ZBTB20: variants seen among roughly 807,000 people sequenced by gnomAD.
The protein encoded by ZBTB20 is zinc finger and BTB domain containing 20, also known as zinc finger and BTB domain-containing protein 20.
ZBTB20 carries 9 observed loss-of-function variants against 56.9 expected under a neutral mutation model. That is an observed-to-expected ratio of 0.16 (90% confidence interval 0.10 to 0.28). ZBTB20 has a LOEUF of 0.28. Ranked by LOEUF, ZBTB20 falls within the 10% of genes least tolerant of loss-of-function variation. The pLI is 1.00. For synonymous variants in ZBTB20, 417 were observed against 420.7 expected (o/e 0.99, Z 0.11); for missense variants, 655 against 1,003.0 (o/e 0.65, Z 4.69).
At chr3:114,532,774 G>A (rs2048007455) in intron 6 of ZBTB20, among the ~76,000 whole-genome samples, 1 of 152,176 alleles carries the variant, frequency 6.6e-6, no homozygotes, top group Non-Finnish European at 1.5e-5. Context: ...CCTCTGGGAT[G>A]AAGCTTCCAG....
At chr3:115,029,745 G>T (rs2080587134) in intron 2 of ZBTB20, among the ~76,000 whole-genome samples, 1 of 150,834 alleles carries the variant, frequency 6.6e-6, no homozygotes, top group South Asian at 2.1e-4. Context: ...TAAAATTCCA[G>T]ATGGTTTGAA....
intron 7 of ZBTB20, among the ~76,000 whole-genome samples, chr3:114,483,480 A>AT (rs1177385797): frequency 2.6e-5 from 4 of 151,938 alleles, no homozygotes; most frequent in African/African-American, 9.7e-5. Flanking sequence ...AAGACAGATC[A>AT]TAAGTATTTA....
At chr3:114,566,101 CT>C (rs1396476866) in intron 6 of ZBTB20, among the ~76,000 whole-genome samples, 2 of 151,734 alleles carry the variant, frequency 1.3e-5, no homozygotes, top group East Asian at 1.9e-4. Flanking sequence ...CACTTCCCCC[CT>C]ATACTCTTTC....
intron 3 of ZBTB20, among the ~76,000 whole-genome samples, chr3:114,955,731 T>G (rs1409498241): frequency 1.3e-5 from 2 of 152,172 alleles, no homozygotes; most frequent in African/African-American, 2.4e-5. Flanking sequence ...CCTCTCTGAC[T>G]TTGGCTTTCT....
intron 7 of ZBTB20, among the ~76,000 whole-genome samples, chr3:114,414,649 C>G (rs984185121): frequency 6.6e-6 from 1 of 150,792 alleles, no homozygotes; most frequent in Non-Finnish European, 1.5e-5. Flanking sequence ...ATCTTAATTT[C>G]TATCCTTGTA....
chr3:114,519,485 C>A (rs985477476), intron 6 of ZBTB20, among the ~76,000 whole-genome samples: 9 of 152,146 alleles, frequency 5.9e-5, no homozygotes, highest in African/African-American at 2.2e-4. Flanking sequence ...GGGCTTATAG[C>A]ATTTCCTCTG....
intron 6 of ZBTB20, among the ~76,000 whole-genome samples, chr3:114,674,993 C>T (rs1010896966): frequency 1.1e-4 from 17 of 150,246 alleles, no homozygotes; most frequent in African/African-American, 3.9e-4. Context: ...GAGAGCAAAT[C>T]GAGGCAAGTG....
At chr3:114,512,900 G>T (rs1048078002) in intron 6 of ZBTB20, among the ~76,000 whole-genome samples, 2 of 152,080 alleles carry the variant, frequency 1.3e-5, no homozygotes, top group East Asian at 3.9e-4. Flanking sequence ...AACAATTTCT[G>T]CATTGAACAG....
intron 10 of ZBTB20, chr3:114,366,635 A>C (rs986952003): frequency 5.9e-5 from 9 of 152,244 alleles, no homozygotes; most frequent in Non-Finnish European, 1.5e-5. Flanking sequence ...TCTAATCTGC[A>C]ACTATTACTA....
At chr3:115,016,301 C>A (rs1053692338) in intron 2 of ZBTB20, among the ~76,000 whole-genome samples, 13 of 152,076 alleles carry the variant, frequency 8.5e-5, no homozygotes, top group African/African-American at 3.1e-4. Context: ...TTTTGCTGAG[C>A]AGAAGCTCTT....
intron 7 of ZBTB20, among the ~76,000 whole-genome samples, chr3:114,480,033 T>C (rs189721405): frequency 7.0e-4 from 107 of 152,326 alleles, no homozygotes; most frequent in Admixed American, 9.1e-4. Flanking sequence ...GCCTTTATCT[T>C]TTCCCCCTAA....
At chr3:114,642,596 C>G (rs147350663) in intron 6 of ZBTB20, among the ~76,000 whole-genome samples, 1 of 151,908 alleles carries the variant, frequency 6.6e-6, no homozygotes, top group Non-Finnish European at 1.5e-5. Flanking sequence ...TCCCGACTGC[C>G]GATGTCTAGT....
chr3:115,010,562 T>G lies in ZBTB20; in HGVS notation c.-506-36146A>C, dbSNP rs1172449605. Among the ~76,000 whole-genome samples the G allele has an allele frequency of 2.0e-5, 3 of 151,948 alleles. No individual in the cohort carries two copies. In the East Asian group the frequency reaches 5.8e-4, roughly 30 times the overall value. ...CAAGACCATAAAGCTTATACCTCTATAAATCAGCAAGAACCACAGTGTTAT... is the reference window on the plus strand; with the variant it reads ...CAAGACCATAAAGCTTATACCTCTAGAAATCAGCAAGAACCACAGTGTTAT... On this transcript the variant is annotated intron_variant, in intron 2 of 11. Transcript: ENST00000675478.
At chr3:114,911,316 C>CTGGAAGAAGTCA (rs2075528583) in intron 3 of ZBTB20, among the ~76,000 whole-genome samples, 1 of 151,870 alleles carries the variant, frequency 6.6e-6, no homozygotes, top group Admixed American at 6.6e-5. Flanking sequence ...ACAAAGGGGC[C>CTGGAAGAAGTCA]TGGAAGAAGT....
chr3:114,435,268 A>C (rs758106925), intron 7 of ZBTB20, among the ~76,000 whole-genome samples: 6 of 152,256 alleles, frequency 3.9e-5, no homozygotes, highest in Non-Finnish European at 7.4e-5. Context: ...TAGCAGCAAA[A>C]GGGAGGAAGA....
At chr3:114,670,691 C>G (rs774805409) in intron 6 of ZBTB20, among the ~76,000 whole-genome samples, 2 of 152,034 alleles carry the variant, frequency 1.3e-5, no homozygotes, top group Non-Finnish European at 2.9e-5. Flanking sequence ...AATTTCTGTT[C>G]TCAAAATGGT....
At chr3:114,706,234 G>A (rs531205118) in intron 5 of ZBTB20, among the ~76,000 whole-genome samples, 23 of 152,156 alleles carry the variant, frequency 1.5e-4, no homozygotes, top group African/African-American at 3.4e-4. Context: ...TATTTTGCAG[G>A]AACGTTGTGA....
intron 6 of ZBTB20, among the ~76,000 whole-genome samples, chr3:114,570,795 C>T (rs1393640164): frequency 6.6e-6 from 1 of 152,030 alleles, no homozygotes; most frequent in Admixed American, 6.5e-5. Flanking sequence ...GATCTGGTTG[C>T]CTTTTCATAT....
intron 5 of ZBTB20, among the ~76,000 whole-genome samples, chr3:114,753,389 A>G (rs376185446): frequency 0.075 from 2,269 of 30,154 alleles, 542 homozygotes; most frequent in Admixed American, 0.15. Flanking sequence ...ATACACATAC[A>G]TGTATGTATA....
Sources: gnomAD v4.1 joint callset for allele counts (sites outside exome capture counted in the v4.1 genomes callset) on GRCh38, gnomAD v4.1.1 for gene constraint, MANE v1.5 for transcripts, NCBI Gene and HGNC (gene_info 2026-07-23, HGNC 2026-07-21) for gene names.